ESYT2: variants seen among roughly 807,000 people sequenced by gnomAD.
The protein encoded by ESYT2 is extended synaptotagmin 2, also known as extended synaptotagmin-2.
A neutral mutation model predicts 107.2 loss-of-function variants in ESYT2; 54 were observed. The observed-to-expected ratio is 0.50, with a 90% CI of 0.40 to 0.63. ESYT2 has a LOEUF of 0.63. ESYT2 is among the 30% of genes least tolerant of loss of function. The pLI, the probability that ESYT2 is intolerant of heterozygous loss-of-function variation, is 0.00. For synonymous variants in ESYT2, 491 were observed against 434.1 expected, an observed-to-expected ratio of 1.13 and a Z score of -1.63; for missense variants, 1,020 against 1,094.5, an observed-to-expected ratio of 0.93 and a Z score of 0.96.
At chr7:158,779,673 C>T (rs116068908) in intron 6 of ESYT2, among the ~76,000 whole-genome samples, 1,693 of 152,294 alleles carry the variant, frequency 0.011, 36 homozygotes, top group African/African-American at 0.039. Context: ...GGTGCTGCGG[C>T]CCCTTCTGCT....
At chr7:158,798,239 G>C (rs930568424) in intron 2 of ESYT2, among the ~76,000 whole-genome samples, 163 bp from the exon 3 acceptor site, 1 of 152,138 alleles carries the variant, frequency 6.6e-6, no homozygotes, top group Admixed American at 6.5e-5. Context: ...ATTCTAAAAA[G>C]TTATTAGAAA....
chr7:158,781,332 G>T (rs1239466175), intron 6 of ESYT2, among the ~76,000 whole-genome samples: 11 of 151,272 alleles, frequency 7.3e-5, no homozygotes, highest in Non-Finnish European at 1.3e-4. Context: ...AACGAGTGTT[G>T]AGAACAAAGT....
chr7:158,734,049 C>T lies in ESYT2; in HGVS notation c.*158G>A. 3 of 901,706 alleles carry T rather than the reference C, an allele frequency of 3.3e-6. No homozygotes were observed. Among genetic ancestry groups the T allele is most frequent in the Non-Finnish European group, 4.9e-6 (3 of 608,148 alleles). 55.9% of individuals were successfully genotyped at this position (901,706 alleles called of 1,614,324 possible). A position where few individuals can be genotyped will look rare whatever the true frequency, so the allele number is the denominator to read the frequency against. On this transcript the variant is annotated 3_prime_UTR_variant, in exon 23 of 23. Transcript: ENST00000275418. ...CAGAAAATTCAATGATAATATTGGC[C>T]AAATTTGCCTGAAATGTCAACAATT...
rs1269250372 is a variant in ESYT2, at chr7:158,741,547, C to T, written c.2144G>A (p.Arg715Gln). Residue 715 changes from arginine to glutamine, a missense_variant, in exon 18 of 23, where the codon CGG (arginine) becomes CAG (glutamine). By Grantham distance (43) the Arg-to-Gln change is conservative. Coordinates refer to ENST00000275418, the MANE Select transcript of ESYT2 (RefSeq NM_001367773.1). ...ISLPIATQEL[R>Q]QRLRQLENGT... ...CTTTTCCAGCTGCCTCAGCCTTTGC[C>T]GCAGCTCCTGGGTGGCGATGGGCAG... The T allele has an allele frequency of 2.5e-6, 4 of 1,592,874 alleles. No homozygotes were observed. The highest frequency in any genetic ancestry group is 2.2e-5 in the East Asian group (1 of 44,710).
intron 17 of ESYT2, 84 bp from the exon 18 acceptor site, chr7:158,741,980 T>G (rs577155790): frequency 7.0e-7 from 1 of 1,433,762 alleles, no homozygotes; most frequent in Non-Finnish European, 9.2e-7. Flanking sequence ...TGTCTTTACC[T>G]GCAAAAATTT....
intron 1 of ESYT2, among the ~76,000 whole-genome samples, chr7:158,827,355 G>A (rs943929508): frequency 3.3e-5 from 5 of 151,910 alleles, no homozygotes; most frequent in African/African-American, 7.3e-5. Flanking sequence ...TCTGTTTTTA[G>A]CTACTTTTTA....
chr7:158,770,375 C>T (rs1018151435), intron 7 of ESYT2, among the ~76,000 whole-genome samples: 2 of 150,970 alleles, frequency 1.3e-5, no homozygotes, highest in South Asian at 2.1e-4. Context: ...ATTATATATA[C>T]CTATATATAT....
Position 158,828,502 on chromosome 7 carries a change from G to A in ESYT2, c.330+587C>T, listed in dbSNP as rs184519750. On this transcript the variant is annotated intron_variant, in intron 1 of 22. Transcript: ENST00000275418. ...AGCCCGGTACCTGCCGCTGGCGCTC[G>A]GGGTCTGCAGGCCGGGGGAGGGAAG... 8.1e-3 allele frequency among the ~76,000 whole-genome samples: 1,231 copies of A among 152,352 alleles called. 10 individuals are homozygous for A. Among genetic ancestry groups the A allele is most frequent in the Middle Eastern group, 0.044 (13 of 294 alleles).
chr7:158,760,192 C>CA, intron 11 of ESYT2, 45 bp from the exon 12 acceptor site: 2 of 1,559,262 alleles, frequency 1.3e-6, no homozygotes, highest in Non-Finnish European at 1.8e-6. Flanking sequence ...TCTTCTGAAT[C>CA]AAAAATCCAA....
intron 1 of ESYT2, 75 bp downstream of exon 1, chr7:158,829,013 AG>A: frequency 2.6e-6 from 4 of 1,510,958 alleles, no homozygotes; most frequent in Non-Finnish European, 3.5e-6. Context: ...GGTCGCGGGG[AG>A]GGGAGTGCCT....
chr7:158,747,372 A>C (rs555354382), intron 16 of ESYT2, among the ~76,000 whole-genome samples: 1 of 152,076 alleles, frequency 6.6e-6, no homozygotes, highest in South Asian at 2.1e-4. Context: ...TAAAAAAAAA[A>C]CCCCAAACGT....
At chr7:158,820,725 G>T (rs574398932) in intron 1 of ESYT2, among the ~76,000 whole-genome samples, 16 of 152,222 alleles carry the variant, frequency 1.1e-4, no homozygotes, top group African/African-American at 4.8e-5. Flanking sequence ...GGTTGAGGCT[G>T]CAGTGAGCCA....
In ESYT2 at chr7:158,733,393, A is replaced by C. The variant is rs1836809916; in HGVS notation, c.*814T>G. The C allele has an allele frequency of 6.6e-6, 1 of 152,262 alleles. No individual in the cohort carries two copies. The highest frequency in any genetic ancestry group is 1.5e-5 in the Non-Finnish European group (1 of 68,052). 9.4% of individuals were successfully genotyped at this position (152,262 alleles called of 1,614,324 possible). The stretch of plus-strand genomic sequence containing the variant: ...GAAAGTCTGCTCTTACAGTTGAGGA[A>C]AAGTACAAGGTGTCTGTATACTGTT... On this transcript the variant is annotated 3_prime_UTR_variant, in exon 23 of 23. Transcript: ENST00000275418.
chr7:158,814,147 G>A (rs547800895), intron 1 of ESYT2, among the ~76,000 whole-genome samples: 16 of 151,642 alleles, frequency 1.1e-4, no homozygotes, highest in South Asian at 4.2e-4. Flanking sequence ...GGTGGTGGAC[G>A]CCTGTAGTCC....
At chr7:158,762,661 T>G (rs1033163555) in intron 10 of ESYT2, among the ~76,000 whole-genome samples, 2 of 152,246 alleles carry the variant, frequency 1.3e-5, no homozygotes, top group African/African-American at 4.8e-5. Context: ...CAATGTGAAT[T>G]ACTATATCCT....
chr7:158,810,801 C>T (rs907194805), intron 1 of ESYT2, among the ~76,000 whole-genome samples: 2 of 151,900 alleles, frequency 1.3e-5, no homozygotes, highest in African/African-American at 2.4e-5. Context: ...CTAGGGTAGG[C>T]GTGACAGGGA....
At chr7:158,785,140 T>A (rs1408469154) in intron 6 of ESYT2, among the ~76,000 whole-genome samples, 2 of 152,104 alleles carry the variant, frequency 1.3e-5, no homozygotes, top group South Asian at 4.1e-4. Flanking sequence ...TCACCTCTAG[T>A]GGCCGGGCAC....
intron 1 of ESYT2, among the ~76,000 whole-genome samples, chr7:158,809,283 C>A (rs1317486715): frequency 6.6e-6 from 1 of 151,830 alleles, no homozygotes; most frequent in African/African-American, 2.4e-5. Context: ...CAAGACCATC[C>A]TGGCCAACAT....
chr7:158,813,076 T>C (rs1840035272), intron 1 of ESYT2, among the ~76,000 whole-genome samples: 1 of 152,230 alleles, frequency 6.6e-6, no homozygotes, highest in South Asian at 2.1e-4. Flanking sequence ...GTTTTATGTT[T>C]GAATTTATTG....
Sources: allele counts gnomAD v4.1 joint callset (sites outside exome capture counted in the v4.1 genomes callset), GRCh38; gene constraint gnomAD v4.1.1; transcripts MANE v1.5; gene names NCBI Gene and HGNC (gene_info 2026-07-23, HGNC 2026-07-21).